PGM5: variants seen among roughly 807,000 people sequenced by gnomAD.
PGM5 encodes the protein phosphoglucomutase 5.
A neutral mutation model predicts 59.2 loss-of-function variants in PGM5; 23 were observed. The observed-to-expected ratio is 0.39, with a 90% CI of 0.28 to 0.55. The LOEUF is 0.55. Among genes scored for constraint, PGM5 ranks in the 20% least tolerant of loss-of-function variants. The pLI is 0.66. For missense variants in PGM5, 574 were observed against 748.3 expected (o/e 0.77, Z 2.72); for synonymous variants, 214 against 286.0 (o/e 0.75, Z 2.54).
intron 6 of PGM5, among the ~76,000 whole-genome samples, chr9:68,449,367 C>A (rs1051975268): frequency 1.1e-4 from 16 of 152,206 alleles, no homozygotes; most frequent in Non-Finnish European, 2.2e-4. Context: ...CATCACCAAG[C>A]CCTGGAGGGC....
At chr9:68,431,173 G>T (rs1255415667) in intron 6 of PGM5, among the ~76,000 whole-genome samples, 6 of 152,166 alleles carry the variant, frequency 3.9e-5, no homozygotes, top group Non-Finnish European at 7.3e-5. Flanking sequence ...ATCGTCTAAG[G>T]TTCCCCCAAC....
At chr9:68,423,758 C>T (rs1240721927) in intron 6 of PGM5, among the ~76,000 whole-genome samples, 4 of 152,034 alleles carry the variant, frequency 2.6e-5, no homozygotes, top group African/African-American at 9.7e-5. Context: ...TAGTCAGAGA[C>T]ATCCCTCAAA....
In PGM5 at chr9:68,426,516, T is replaced by A. The variant is rs114115185; in HGVS notation, c.1043+34043T>A. On this transcript the variant is annotated intron_variant, in intron 6 of 10. Transcript: ENST00000396396. ...CCATAATTTACTAGCCCTTTCCCTATTGATGGACATTTAAATGGTTTACAG... is the reference window on the plus strand; with the variant it reads ...CCATAATTTACTAGCCCTTTCCCTAATGATGGACATTTAAATGGTTTACAG... Among the ~76,000 whole-genome samples the A allele has an allele frequency of 9.1e-3, 1,379 of 152,312 alleles. 17 individuals carry two copies. The highest frequency in any genetic ancestry group is 0.032 in the African/African-American group (1,339 of 41,574).
chr9:68,482,133 T>C (rs1824205950), intron 8 of PGM5, among the ~76,000 whole-genome samples: 1 of 152,156 alleles, frequency 6.6e-6, no homozygotes, highest in Admixed American at 6.5e-5. Context: ...AGATCCTGCT[T>C]GTATATGAAG....
rs1300122049 is a variant in PGM5, at chr9:68,530,558, A to G, written c.*902A>G. The G allele has an allele frequency of 6.6e-6, 1 of 152,262 alleles. No homozygotes were observed. The highest frequency in any genetic ancestry group is 2.4e-5 in the African/African-American group (1 of 41,456). The allele number at this position is 152,262 out of a possible 1,614,324, so 9.4% of individuals were successfully genotyped here. A position where few individuals can be genotyped will look rare whatever the true frequency, so the allele number is the denominator to read the frequency against. The stretch of plus-strand genomic sequence containing the variant: ...TCTTTGACTTGGCCAATAGGGGCCT[A>G]TCTTAATGCACTTGTTTGGACACAT... On this transcript the variant is annotated 3_prime_UTR_variant, in exon 11 of 11. Transcript: ENST00000396396.
At chr9:68,443,670 C>A (rs1483857548) in intron 6 of PGM5, among the ~76,000 whole-genome samples, 2 of 152,226 alleles carry the variant, frequency 1.3e-5, no homozygotes, top group Non-Finnish European at 2.9e-5. Flanking sequence ...GGGCAAGTAA[C>A]TTGCAGCAGA....
chr9:68,420,465 G>T (rs1230382950), intron 6 of PGM5, among the ~76,000 whole-genome samples: 1 of 152,192 alleles, frequency 6.6e-6, no homozygotes, highest in Non-Finnish European at 1.5e-5. Flanking sequence ...TTAGATATGG[G>T]TATTTAGCAT....
chr9:68,436,281 T>C (rs1395634489), intron 6 of PGM5, among the ~76,000 whole-genome samples: 1 of 152,236 alleles, frequency 6.6e-6, no homozygotes. Flanking sequence ...CTATCATGTC[T>C]TGTTTTTAAT....
At chr9:68,432,474 T>C (rs964618670) in intron 6 of PGM5, among the ~76,000 whole-genome samples, 3 of 152,162 alleles carry the variant, frequency 2.0e-5, no homozygotes, top group African/African-American at 7.2e-5. Flanking sequence ...GTGGTGAGAT[T>C]ACAGGCGTGA....
At chr9:68,420,009 A>T (rs1823101034) in intron 6 of PGM5, among the ~76,000 whole-genome samples, 1 of 152,102 alleles carries the variant, frequency 6.6e-6, no homozygotes, top group African/African-American at 2.4e-5. Flanking sequence ...GTGCATGGAA[A>T]ATGTCTTGAC....
At chr9:68,368,676 G>T (rs1834727091) in intron 1 of PGM5, among the ~76,000 whole-genome samples, 1 of 150,958 alleles carries the variant, frequency 6.6e-6, no homozygotes, top group African/African-American at 2.4e-5. Context: ...ACAGGTTCTT[G>T]TTCTGTCATC....
chr9:68,432,688 C>A (rs1177429703), intron 6 of PGM5, among the ~76,000 whole-genome samples: 1 of 152,060 alleles, frequency 6.6e-6, no homozygotes, highest in Admixed American at 6.6e-5. Context: ...TCACTGCAAC[C>A]TCTGCCTCCT....
intron 9 of PGM5, chr9:68,496,767 A>C (rs2132103046): frequency 6.6e-6 from 1 of 152,334 alleles, no homozygotes; most frequent in African/African-American, 2.4e-5. Context: ...TGAATTCTTA[A>C]ATTTCCCCTC....
At chr9:68,460,549 A>C (rs958540932) in intron 6 of PGM5, among the ~76,000 whole-genome samples, 1 of 152,194 alleles carries the variant, frequency 6.6e-6, no homozygotes, top group African/African-American at 2.4e-5. Context: ...CCACATCCTG[A>C]TAGCCTCACT....
chr9:68,464,295 G>T (rs1185556301), intron 6 of PGM5, among the ~76,000 whole-genome samples: 1 of 152,148 alleles, frequency 6.6e-6, no homozygotes, highest in Non-Finnish European at 1.5e-5. Context: ...GATCAAAGTT[G>T]CATTCAAGAT....
intron 6 of PGM5, among the ~76,000 whole-genome samples, chr9:68,417,019 A>G (rs1823043935): frequency 6.6e-6 from 1 of 152,234 alleles, no homozygotes; most frequent in Non-Finnish European, 1.5e-5. Flanking sequence ...CTGGAAAGCC[A>G]AGATCAAATA....
intron 7 of PGM5, among the ~76,000 whole-genome samples, chr9:68,473,380 C>A (rs543642159): frequency 1.3e-5 from 2 of 152,320 alleles, no homozygotes; most frequent in Non-Finnish European, 2.9e-5. Context: ...CGCTTTCTTG[C>A]AACTCCTGAG....
intron 10 of PGM5, among the ~76,000 whole-genome samples, chr9:68,521,841 A>C (rs1325702340): frequency 5.9e-5 from 9 of 152,216 alleles, no homozygotes; most frequent in Non-Finnish European, 1.3e-4. Flanking sequence ...AGCACAGTGA[A>C]AGGGCTCAGA....
intron 10 of PGM5, among the ~76,000 whole-genome samples, chr9:68,521,043 G>A (rs1361271211): frequency 6.6e-6 from 1 of 152,148 alleles, no homozygotes; most frequent in Non-Finnish European, 1.5e-5. Flanking sequence ...CTCAGTATAA[G>A]GGCAGTCTAG....
Sources: allele counts gnomAD v4.1 joint callset (sites outside exome capture counted in the v4.1 genomes callset), GRCh38; gene constraint gnomAD v4.1.1; transcripts MANE v1.5; gene names NCBI Gene and HGNC (gene_info 2026-07-23, HGNC 2026-07-21).